Variants in ADARB2 observed in about 807,000 individuals in gnomAD.
ADARB2 encodes the protein inactive double-stranded RNA-specific editase B2.
ADARB2 carries 25 observed loss-of-function variants against 62.2 expected under a neutral mutation model. That is an observed-to-expected ratio of 0.40 (90% CI 0.29 to 0.56). ADARB2 has a LOEUF of 0.56. ADARB2 is among the 20% of genes least tolerant of loss of function. The probability of loss-of-function intolerance (pLI) is 0.43; values close to 1 mark genes in which losing one functional copy is unlikely to be tolerated. For missense variants in ADARB2, 1,071 were observed against 1,077.4 expected (o/e 0.99, Z 0.08); for synonymous variants, 572 against 500.8 (o/e 1.14, Z -1.90).
At chr10:1,204,944 C>T (rs1029669429) in intron 7 of ADARB2, among the ~76,000 whole-genome samples, 1 of 152,254 alleles carries the variant, frequency 6.6e-6, no homozygotes, top group African/African-American at 2.4e-5. Context: ...ATTTCCTCAA[C>T]GTGACTGTGA....
chr10:1,702,750 G>A (rs542420356), intron 1 of ADARB2, among the ~76,000 whole-genome samples: 21 of 152,294 alleles, frequency 1.4e-4, no homozygotes, highest in South Asian at 6.2e-4. Context: ...CAGTGCTCTC[G>A]CTGATTTTCT....
intron 1 of ADARB2, among the ~76,000 whole-genome samples, chr10:1,410,175 G>A (rs1388981175): frequency 1.3e-5 from 2 of 148,280 alleles, no homozygotes; most frequent in Admixed American, 1.3e-4. Context: ...TGGTGCCGAG[G>A]CCTGGTCGTG....
chr10:1,314,080 C>T (rs74764931), intron 3 of ADARB2, among the ~76,000 whole-genome samples: 2,786 of 152,364 alleles, frequency 0.018, 33 homozygotes, highest in Non-Finnish European at 0.029. Context: ...ACCTGAGGCT[C>T]GGAGACATCG....
intron 3 of ADARB2, among the ~76,000 whole-genome samples, chr10:1,326,455 T>C (rs1186906868): frequency 6.6e-6 from 1 of 152,242 alleles, no homozygotes; most frequent in Non-Finnish European, 1.5e-5. Context: ...ACGAGGGAGA[T>C]GACCCTGTGC....
intron 1 of ADARB2, among the ~76,000 whole-genome samples, chr10:1,491,666 C>T (rs1247686025): frequency 1.3e-5 from 2 of 152,164 alleles, no homozygotes; most frequent in African/African-American, 4.8e-5. Flanking sequence ...TACCCCTAGA[C>T]TTGACAATGA....
At chr10:1,568,539 GAAAGA>G (rs1204575391) in intron 1 of ADARB2, among the ~76,000 whole-genome samples, 1 of 146,674 alleles carries the variant, frequency 6.8e-6, no homozygotes, top group East Asian at 2.0e-4. Flanking sequence ...GATGAAAGAA[GAAAGA>G]AAAGAAAGAA....
intron 1 of ADARB2, among the ~76,000 whole-genome samples, chr10:1,526,385 T>C (rs951379348): frequency 2.0e-5 from 3 of 151,818 alleles, no homozygotes; most frequent in African/African-American, 7.3e-5. Context: ...GTTTGTCCCC[T>C]CCAGATCTCA....
intron 5 of ADARB2, among the ~76,000 whole-genome samples, chr10:1,235,011 A>G (rs1395744090): frequency 6.6e-6 from 1 of 151,856 alleles, no homozygotes; most frequent in African/African-American, 2.4e-5. Context: ...CCCCCCAAAG[A>G]GCTGGGATTA....
intron 1 of ADARB2, among the ~76,000 whole-genome samples, chr10:1,650,897 T>C (rs1834101824): frequency 6.6e-6 from 1 of 152,146 alleles, no homozygotes. Flanking sequence ...TCCGAGATGG[T>C]GGAGCAGCTT....
intron 1 of ADARB2, among the ~76,000 whole-genome samples, chr10:1,681,929 T>C (rs1388168625): frequency 1.3e-5 from 2 of 152,242 alleles, no homozygotes; most frequent in African/African-American, 4.8e-5. Flanking sequence ...TGAGGGCACC[T>C]GAGTGTGGAC....
At chr10:1,590,373 G>A (rs1288946319) in intron 1 of ADARB2, among the ~76,000 whole-genome samples, 5 of 152,152 alleles carry the variant, frequency 3.3e-5, no homozygotes, top group East Asian at 1.9e-4. Context: ...ATTCCATAAC[G>A]TTGCTGGTTC....
At chr10:1,483,411 C>A (rs966718716) in intron 1 of ADARB2, among the ~76,000 whole-genome samples, 2 of 152,222 alleles carry the variant, frequency 1.3e-5, no homozygotes, top group Non-Finnish European at 2.9e-5. Context: ...TGAACGACAA[C>A]TTTACAGTTC....
In ADARB2 at chr10:1,183,101, G is replaced by A; in HGVS notation, c.*92C>T. ...TCTGGGACACCAAAGTAAAACGAAT[G>A]CAGGGAACCGGCCGACCCGCCACGT... On this transcript the variant is annotated 3_prime_UTR_variant, in exon 10 of 10. Transcript: ENST00000381312. The A allele has an allele frequency of 7.0e-7, 1 of 1,424,336 alleles. No homozygotes were observed. Among genetic ancestry groups the A allele is most frequent in the Non-Finnish European group, 9.5e-7 (1 of 1,050,100 alleles). 88.2% of individuals were successfully genotyped at this position (1,424,336 alleles called of 1,614,324 possible). A position where few individuals can be genotyped will look rare whatever the true frequency, so the allele number is the denominator to read the frequency against.
intron 1 of ADARB2, among the ~76,000 whole-genome samples, chr10:1,572,739 T>C (rs928338650): frequency 6.6e-6 from 1 of 152,182 alleles, no homozygotes. Flanking sequence ...AGGAGGTCAC[T>C]GAGTGGGAGG....
intron 1 of ADARB2, among the ~76,000 whole-genome samples, chr10:1,644,193 C>A (rs1834009046): frequency 6.6e-6 from 1 of 152,190 alleles, no homozygotes; most frequent in Non-Finnish European, 1.5e-5. Context: ...AGGAAGTATT[C>A]CTCCAGGGCT....
chr10:1,436,051 C>T (rs1830831675), intron 1 of ADARB2, among the ~76,000 whole-genome samples: 1 of 152,212 alleles, frequency 6.6e-6, no homozygotes, highest in Admixed American at 6.5e-5. Context: ...GTTTGAGGCT[C>T]GAGCCCCCGT....
Position 1,558,779 on chromosome 10 carries a change from C to T in ADARB2, c.100+178272G>A, listed in dbSNP as rs530026602. Among the ~76,000 whole-genome samples the T allele has an allele frequency of 1.3e-5, 2 of 152,228 alleles. 1 individual carries two copies. Among genetic ancestry groups the T allele is most frequent in the South Asian group, 4.1e-4 (2 of 4,822 alleles). ...TCCGCCCCACTCCGTGGGTGCTCAGCCCCCGCATGCTCCATCTAAACTCGA... is the reference window on the plus strand; with the variant it reads ...TCCGCCCCACTCCGTGGGTGCTCAGTCCCCGCATGCTCCATCTAAACTCGA... On this transcript the variant is annotated intron_variant, in intron 1 of 9. Coordinates refer to ENST00000381312, the MANE Select transcript of ADARB2 (RefSeq NM_018702.4).
intron 1 of ADARB2, among the ~76,000 whole-genome samples, chr10:1,627,685 A>G (rs1875010): frequency 0.36 from 54,567 of 152,124 alleles, 10,592 homozygotes; most frequent in East Asian, 0.55. Context: ...AGATTACACT[A>G]GAAAGAGACA....
intron 1 of ADARB2, among the ~76,000 whole-genome samples, chr10:1,720,205 T>G (rs1048650616): frequency 6.6e-6 from 1 of 152,230 alleles, no homozygotes; most frequent in Non-Finnish European, 1.5e-5. Context: ...TGAAAAAGAA[T>G]AAAATCATGT....
Sources: gnomAD v4.1 joint callset for allele counts (sites outside exome capture counted in the v4.1 genomes callset) on GRCh38, gnomAD v4.1.1 for gene constraint, MANE v1.5 for transcripts, NCBI Gene and HGNC (gene_info 2026-07-23, HGNC 2026-07-21) for gene names.